The following SPTBN1 variants were observed in gnomAD, a reference collection of about 807,000 sequenced individuals.
SPTBN1 encodes spectrin beta, non-erythrocytic 1.
A neutral mutation model predicts 266.4 loss-of-function variants in SPTBN1; 32 were observed. The ratio of observed to expected loss-of-function variants is 0.12; its 90% CI spans 0.09 to 0.16. SPTBN1 has a LOEUF of 0.16. Ranked by LOEUF, SPTBN1 falls within the 10% of genes least tolerant of loss-of-function variation. The pLI, the probability that SPTBN1 is intolerant of heterozygous loss-of-function variation, is 1.00. For synonymous variants in SPTBN1, 1,336 were observed against 1,162.2 expected, an observed-to-expected ratio of 1.15 and a Z score of -3.04; for missense variants, 2,296 against 3,067.1, an observed-to-expected ratio of 0.75 and a Z score of 5.94.
chr2:54,594,190 C>G lies in SPTBN1; in HGVS notation c.149-4902C>G, dbSNP rs541940258. 4.6e-5 allele frequency among the ~76,000 whole-genome samples: 7 copies of G among 152,246 alleles called. No individual in the cohort carries two copies. The East Asian group carries it at 7.7e-4, about 17-fold the overall frequency. On this transcript the variant is annotated intron_variant, in intron 2 of 35. Coordinates refer to ENST00000356805, the MANE Select transcript of SPTBN1 (RefSeq NM_003128.3). ...TGCATAGTGGATGAGAACCAGGGCT[C>G]TGGAGCCAGCCTGCCTGGAGAGTTG...
At chr2:54,614,756 T>C (rs1294779969) in intron 4 of SPTBN1, among the ~76,000 whole-genome samples, 3 of 147,972 alleles carry the variant, frequency 2.0e-5, no homozygotes, top group East Asian at 2.0e-4. Context: ...TGAGCCGAGA[T>C]CACACCACCG....
rs1300863565 is a variant in SPTBN1, at chr2:54,626,535, G to T, written c.1644+301G>T. On this transcript the variant is annotated intron_variant, in intron 12 of 35. Coordinates refer to ENST00000356805, the MANE Select transcript of SPTBN1 (RefSeq NM_003128.3). This position sits in a 1 kb window ranked among gnomAD's most constrained non-coding sequence, Gnocchi z 4.7. ...TTTTCTTTATTTTTAAGTTTTCAGG[G>T]TTAAACTAACTTACCGTTTCATTGA... 6.6e-6 allele frequency among the ~76,000 whole-genome samples: 1 copy of T among 152,024 alleles called. No individual in the cohort carries two copies. Among genetic ancestry groups the T allele is most frequent in the Non-Finnish European group, 1.5e-5 (1 of 68,014 alleles).
chr2:54,539,353 A>C (rs962919119), intron 2 of SPTBN1, among the ~76,000 whole-genome samples: 1 of 152,336 alleles, frequency 6.6e-6, no homozygotes, highest in Non-Finnish European at 1.5e-5. Flanking sequence ...TGTGTTTAAT[A>C]ATTTTACATT....
intron 1 of SPTBN1, among the ~76,000 whole-genome samples, chr2:54,474,630 T>C (rs1667725449): frequency 6.6e-6 from 1 of 152,138 alleles, no homozygotes; most frequent in Non-Finnish European, 1.5e-5. Flanking sequence ...TCTAATAACA[T>C]GGGAAGGTTT....
At chr2:54,661,143 CTT>C in intron 32 of SPTBN1, 1 of 985,402 alleles carries the variant, frequency 1.0e-6, no homozygotes, top group Non-Finnish European at 1.2e-6. Context: ...TTTCTCAAGA[CTT>C]TTTGTGGAAT....
chr2:54,476,634 C>T (rs1459734386), intron 1 of SPTBN1, among the ~76,000 whole-genome samples: 1 of 152,192 alleles, frequency 6.6e-6, no homozygotes, highest in Non-Finnish European at 1.5e-5. Flanking sequence ...TTTTCATAGC[C>T]TCTCTCGGAT....
Position 54,558,887 on chromosome 2 carries a change from G to A in SPTBN1, c.148+32321G>A. On this transcript the variant is annotated intron_variant, in intron 2 of 35. Transcript: ENST00000356805. The surrounding 1 kb of genome is among the most constrained non-coding windows in gnomAD (Gnocchi z 4.6). ...GGAAGGCAGATTCAAGCAGCTGCAA[G>A]GTAAGCCCCCTCCCAAAGGCCGGGC... is the stretch of plus-strand genomic sequence containing the variant. 2 of 1,612,994 alleles carry A rather than the reference G, an allele frequency of 1.2e-6. No individual in the cohort carries two copies. The highest frequency in any genetic ancestry group is 1.7e-6 in the Non-Finnish European group (2 of 1,179,296).
At chr2:54,481,920 C>G (rs1276594344) in intron 1 of SPTBN1, among the ~76,000 whole-genome samples, 2 of 152,122 alleles carry the variant, frequency 1.3e-5, no homozygotes, top group Non-Finnish European at 1.5e-5. Flanking sequence ...TGTAAAACCT[C>G]TTTGCTTCCT....
At chr2:54,528,484 C>T (rs1025241775) in intron 2 of SPTBN1, 6 of 152,478 alleles carry the variant, frequency 3.9e-5, no homozygotes, top group African/African-American at 9.7e-5. Context: ...CAATATAGTA[C>T]TTATACTGTG....
chr2:54,543,470 G>T (rs1391996754), intron 2 of SPTBN1, among the ~76,000 whole-genome samples: 4 of 151,680 alleles, frequency 2.6e-5, no homozygotes, highest in African/African-American at 9.7e-5. Flanking sequence ...CATTCAAAAG[G>T]CACATGTTCT....
chr2:54,590,352 C>A (rs1210590317), intron 2 of SPTBN1, among the ~76,000 whole-genome samples: 53 of 152,188 alleles, frequency 3.5e-4, no homozygotes, highest in Admixed American at 3.4e-3. Context: ...AGTGAGACCA[C>A]CACCAACAAT....
intron 2 of SPTBN1, among the ~76,000 whole-genome samples, chr2:54,539,970 GA>G (rs1306696612): frequency 6.6e-6 from 1 of 152,216 alleles, no homozygotes; most frequent in Non-Finnish European, 1.5e-5. Context: ...ATTAGGTCAT[GA>G]AAGTGGAGCC....
intron 2 of SPTBN1, chr2:54,557,611 C>T (rs1672961898): frequency 1.6e-6 from 1 of 628,138 alleles, no homozygotes; most frequent in African/African-American, 2.0e-5. Flanking sequence ...TTTCGGTTCC[C>T]TCATCTCCCC....
rs879170777 is a variant in SPTBN1 at position 54,637,727 on chromosome 2, G to A, written c.3782G>A (p.Arg1261His). 6 of 1,613,440 alleles carry A rather than the reference G, an allele frequency of 3.7e-6. No individual in the cohort carries two copies. Among genetic ancestry groups the A allele is most frequent in the East Asian group, 2.2e-5 (1 of 44,866 alleles). ...DSIDDRHRKN[R>H]ETASELLMRL... ...CATTCTAATAGACATAGGAAGAATC[G>A]TGAGACAGCCAGTGAACTTTTGATG... The change falls in exon 18 of 36, where the codon CGT (arginine) becomes CAT (histidine). Residue 1261 changes from arginine (R) to histidine (H), a missense_variant. Physicochemically the swap from Arg to His is conservative, Grantham distance 29. Coordinates refer to ENST00000356805, the MANE Select transcript of SPTBN1 (RefSeq NM_003128.3).
rs780247717 is a variant in SPTBN1, at chr2:54,533,246, G to A, written c.148+6680G>A. On this transcript the variant is annotated intron_variant, in intron 2 of 35. Transcript: ENST00000356805. This position sits in a 1 kb window ranked among gnomAD's most constrained non-coding sequence, Gnocchi z 4.2. Reference sequence around the variant, plus strand: ...CTCAGGATGGCATGCAATTTAAAACGTATGAATTGCCTATTTCTTCAGTTT... The same window carrying A: ...CTCAGGATGGCATGCAATTTAAAACATATGAATTGCCTATTTCTTCAGTTT... 2.6e-5 allele frequency among the ~76,000 whole-genome samples: 4 copies of A among 152,116 alleles called. No homozygotes were observed. The highest frequency in any genetic ancestry group is 4.1e-4 in the South Asian group (2 of 4,824).
intron 24 of SPTBN1, among the ~76,000 whole-genome samples, chr2:54,648,335 T>C (rs1278480064): frequency 1.3e-5 from 2 of 152,190 alleles, no homozygotes; most frequent in South Asian, 2.1e-4. Flanking sequence ...GTCTCTGATA[T>C]TCTGGTTTGT....
intron 1 of SPTBN1, among the ~76,000 whole-genome samples, chr2:54,497,896 G>A (rs12990732): frequency 0.14 from 20,954 of 152,082 alleles, 1,531 homozygotes; most frequent in Non-Finnish European, 0.16. Context: ...GCAAGTGTGC[G>A]CCAGTAACCT....
chr2:54,486,928 C>T (rs1558769847), intron 1 of SPTBN1, among the ~76,000 whole-genome samples: 2 of 152,052 alleles, frequency 1.3e-5, no homozygotes, highest in Admixed American at 6.6e-5. Flanking sequence ...AACAAGCAAA[C>T]ATAAGTGTTG....
chr2:54,666,162 T>C lies in SPTBN1; in HGVS notation c.6833+74T>C, dbSNP rs1005777658. ...TCCACTCTGGGGTTTGGTTTTCTTA[T>C]ACAGCTGCTGTGATTAGTTGGTTCT... is the stretch of plus-strand genomic sequence containing the variant. On this transcript the variant is annotated intron_variant, in intron 34 of 35. Coordinates refer to ENST00000356805, the MANE Select transcript of SPTBN1 (RefSeq NM_003128.3). 15 of 1,454,588 alleles carry C rather than the reference T, an allele frequency of 1.0e-5. No homozygotes were observed. The Middle Eastern group carries it at 6.3e-4, about 61-fold the overall frequency. The allele number at this position is 1,454,588 out of a possible 1,614,324, so 90.1% of individuals were successfully genotyped here.
Sources: gnomAD v4.1 joint callset for allele counts (sites outside exome capture counted in the v4.1 genomes callset) on GRCh38, gnomAD v4.1.1 for gene constraint, Gnocchi (gnomAD v3.1) non-coding constraint, MANE v1.5 for transcripts, NCBI Gene and HGNC (gene_info 2026-07-23, HGNC 2026-07-21) for gene names.